Variants in TSPEAR observed in about 807,000 individuals in gnomAD.
TSPEAR encodes thrombospondin-type laminin G domain and EAR repeat-containing protein.
In TSPEAR, 69 loss-of-function variants were observed where a neutral mutation model predicts 71.6. The ratio of observed to expected loss-of-function variants is 0.96; its 90% CI spans 0.79 to 1.18. The LOEUF is 1.18. Among genes scored for constraint, TSPEAR ranks in the 50% most tolerant of loss-of-function variants. The probability of loss-of-function intolerance (pLI) is 0.00; values close to 1 mark genes in which losing one functional copy is unlikely to be tolerated. For synonymous variants in TSPEAR, 402 were observed against 387.2 expected (o/e 1.04, Z -0.45); for missense variants, 971 against 894.9 (o/e 1.09, Z -1.09).
intron 9 of TSPEAR, among the ~76,000 whole-genome samples, chr21:44,512,035 G>A (rs1177462272): frequency 2.6e-5 from 4 of 152,246 alleles, no homozygotes; most frequent in Non-Finnish European, 4.4e-5. Flanking sequence ...CCAAAGGCAT[G>A]GAGGACGGAC....
chr21:44,681,679 A>G, intron 1 of TSPEAR: 1 of 1,043,470 alleles, frequency 9.6e-7, no homozygotes, highest in East Asian at 2.6e-5. Flanking sequence ...AGGGCTCCAG[A>G]TCATTCTATT....
intron 1 of TSPEAR, among the ~76,000 whole-genome samples, chr21:44,696,284 T>C (rs1252369874): frequency 1.3e-5 from 2 of 152,214 alleles, no homozygotes; most frequent in African/African-American, 2.4e-5. Context: ...TCACACAATC[T>C]GGGTTTCTCA....
At chr21:44,693,897 A>C (rs1987219172) in intron 1 of TSPEAR, among the ~76,000 whole-genome samples, 1 of 152,254 alleles carries the variant, frequency 6.6e-6, no homozygotes, top group Non-Finnish European at 1.5e-5. Context: ...TCTTTGCAGC[A>C]TTATTCATAA....
intron 2 of TSPEAR, chr21:44,539,208 TG>T: frequency 6.5e-7 from 1 of 1,532,474 alleles, no homozygotes; most frequent in Non-Finnish European, 8.7e-7. Flanking sequence ...CCGTCCTAGG[TG>T]GGGGAAGCCA....
At position 44,612,403 on chromosome 21, in the gene TSPEAR, G is replaced by T. The variant is rs1555931308; in HGVS notation, c.83-44398C>A. ...CCTGCACACCTTCATGCTGCCAGCA[G>T]TCTAGCTGCCAGCCGGCTTGCTGCA... On this transcript the variant is annotated intron_variant, in intron 1 of 11. Transcript: ENST00000323084. The surrounding 1 kb of genome is among the most constrained non-coding windows in gnomAD (Gnocchi z 4.1). 6.2e-7 allele frequency: 1 copy of T among 1,614,010 alleles called. No individual in the cohort carries two copies. The highest frequency in any genetic ancestry group is 8.5e-7 in the Non-Finnish European group (1 of 1,180,044).
intron 2 of TSPEAR, chr21:44,551,152 C>G: frequency 6.4e-7 from 1 of 1,559,732 alleles, no homozygotes; most frequent in Non-Finnish European, 8.8e-7. Flanking sequence ...TTGCAGCAGA[C>G]GGGCACGCAG....
chr21:44,711,525 G>T lies in TSPEAR; in HGVS notation c.-11C>A, dbSNP rs568546705. On this transcript the variant is annotated 5_prime_UTR_variant, in exon 1 of 12. Transcript: ENST00000323084. The surrounding 1 kb of genome is among the most constrained non-coding windows in gnomAD (Gnocchi z 4.5). ...CAGCAGGGCAGACATGAGGGGCTTG[G>T]GTGCCAAGCTCCATCCAGGGCTCCG... 2.5e-6 allele frequency: 4 copies of T among 1,608,802 alleles called. No homozygotes were observed. Among genetic ancestry groups the T allele is most frequent in the African/African-American group, 1.3e-5 (1 of 74,996 alleles).
At chr21:44,604,315 C>T (rs1331446395) in intron 1 of TSPEAR, among the ~76,000 whole-genome samples, 1 of 152,086 alleles carries the variant, frequency 6.6e-6, no homozygotes, top group Non-Finnish European at 1.5e-5. Context: ...ACAAAAGATT[C>T]AAATTCAGAA....
At chr21:44,602,229 C>A in intron 1 of TSPEAR, 1 of 185,464 alleles carries the variant, frequency 5.4e-6, no homozygotes, top group Non-Finnish European at 1.2e-5. Context: ...TGATGCCCCC[C>A]ACCCGCGGGT....
intron 1 of TSPEAR, among the ~76,000 whole-genome samples, chr21:44,682,830 G>T (rs1473500049): frequency 6.6e-6 from 1 of 152,234 alleles, no homozygotes; most frequent in Non-Finnish European, 1.5e-5. Context: ...GGAGGAAGGG[G>T]CCAGCGCTCA....
chr21:44,613,026 T>C, intron 1 of TSPEAR: 1 of 1,230,450 alleles, frequency 8.1e-7, no homozygotes, highest in Non-Finnish European at 1.1e-6. Context: ...CTCTCCCTCC[T>C]TACTCCCAGG....
chr21:44,637,685 T>G (rs1555937211), intron 1 of TSPEAR: 9 of 1,342,052 alleles, frequency 6.7e-6, no homozygotes, highest in Non-Finnish European at 8.2e-6. Context: ...CTCCTCCCCC[T>G]GCCAGCAGGC....
chr21:44,618,409 T>TTA (rs1569222685), intron 1 of TSPEAR, among the ~76,000 whole-genome samples: 1 of 152,226 alleles, frequency 6.6e-6, no homozygotes, highest in Non-Finnish European at 1.5e-5. Flanking sequence ...GATAGTATCT[T>TTA]TATAGCAGTG....
At chr21:44,662,429 G>A (rs1320310408) in intron 1 of TSPEAR, among the ~76,000 whole-genome samples, 1 of 152,142 alleles carries the variant, frequency 6.6e-6, no homozygotes, top group Non-Finnish European at 1.5e-5. Context: ...AATTCACCAT[G>A]GACACGTAAC....
intron 1 of TSPEAR, among the ~76,000 whole-genome samples, chr21:44,699,414 A>G (rs1555951233): frequency 2.0e-5 from 3 of 151,220 alleles, no homozygotes; most frequent in African/African-American, 7.3e-5. Flanking sequence ...GGGGAAAGAA[A>G]AGGGGTGCAG....
At chr21:44,669,954 C>G (rs1985977679) in intron 1 of TSPEAR, among the ~76,000 whole-genome samples, 1 of 152,186 alleles carries the variant, frequency 6.6e-6, no homozygotes, top group Non-Finnish European at 1.5e-5. Flanking sequence ...AGGAAGGAGG[C>G]ACGCTGAATA....
intron 1 of TSPEAR, among the ~76,000 whole-genome samples, chr21:44,691,755 C>T (rs1987132361): frequency 6.6e-6 from 1 of 152,196 alleles, no homozygotes; most frequent in South Asian, 2.1e-4. Context: ...CACCCAACAA[C>T]AGCTTTACTG....
intron 1 of TSPEAR, chr21:44,697,331 C>T: frequency 6.2e-7 from 1 of 1,613,278 alleles, no homozygotes; most frequent in South Asian, 1.1e-5. Flanking sequence ...CTGCTGCGCC[C>T]CGGCCCCCTG....
chr21:44,528,103 T>C (rs1177793577), intron 6 of TSPEAR, among the ~76,000 whole-genome samples: 3 of 152,160 alleles, frequency 2.0e-5, no homozygotes, highest in African/African-American at 7.2e-5. Context: ...TACCACGCGA[T>C]GCCCAGCCCT....
Sources: gnomAD v4.1 joint callset for allele counts (sites outside exome capture counted in the v4.1 genomes callset) on GRCh38, gnomAD v4.1.1 for gene constraint, Gnocchi (gnomAD v3.1) non-coding constraint, MANE v1.5 for transcripts, NCBI Gene and HGNC (gene_info 2026-07-23, HGNC 2026-07-21) for gene names.